NPSR1: variants seen among roughly 807,000 people sequenced by gnomAD.
NPSR1 encodes neuropeptide S receptor.
NPSR1 carries 48 observed loss-of-function variants against 46.9 expected under a neutral mutation model. That is an observed-to-expected ratio of 1.02 (90% confidence interval 0.81 to 1.30). The LOEUF (loss-of-function observed/expected upper bound fraction) is 1.30, where lower values mean the gene tolerates loss of function less well. NPSR1 is among the 50% of genes most tolerant of loss of function. The pLI is 0.00. For synonymous variants in NPSR1, 176 were observed against 168.1 expected, an observed-to-expected ratio of 1.05 and a Z score of -0.36; for missense variants, 450 against 449.5, an observed-to-expected ratio of 1.00 and a Z score of -0.01.
intron 4 of NPSR1, among the ~76,000 whole-genome samples, chr7:34,823,696 G>C (rs1047087333): frequency 8.2e-4 from 124 of 152,064 alleles, no homozygotes; most frequent in Non-Finnish European, 1.9e-4. Context: ...AACAAGAACT[G>C]AGAAAAATAG....
intron 2 of NPSR1, among the ~76,000 whole-genome samples, chr7:34,748,226 G>A (rs1357483675): frequency 6.6e-6 from 1 of 152,214 alleles, no homozygotes; most frequent in Non-Finnish European, 1.5e-5. Flanking sequence ...GTGTTAGCCT[G>A]GTAATGGAGA....
At chr7:34,757,163 AATT>A (rs1226353331) in intron 2 of NPSR1, among the ~76,000 whole-genome samples, 1 of 152,092 alleles carries the variant, frequency 6.6e-6, no homozygotes, top group East Asian at 1.9e-4. Context: ...AAAATTATCT[AATT>A]ATATTATTCT....
intron 3 of NPSR1, among the ~76,000 whole-genome samples, chr7:34,781,152 G>A (rs931862676): frequency 4.6e-5 from 7 of 152,152 alleles, no homozygotes; most frequent in African/African-American, 1.7e-4. Flanking sequence ...AGCAGGAAGT[G>A]AGGGCAAAGA....
chr7:34,835,877 C>A (rs1790342618), intron 6 of NPSR1, among the ~76,000 whole-genome samples: 1 of 152,184 alleles, frequency 6.6e-6, no homozygotes, highest in African/African-American at 2.4e-5. Flanking sequence ...AACCCAGACA[C>A]CATTCCCTGA....
chr7:34,682,983 C>T (rs1311959537), intron 1 of NPSR1, among the ~76,000 whole-genome samples: 3 of 152,132 alleles, frequency 2.0e-5, no homozygotes, highest in Admixed American at 6.5e-5. Context: ...TTGTACAGCC[C>T]TCATCCTCCC....
In NPSR1 at chr7:34,827,648, G is replaced by A. The variant is rs763282880; in HGVS notation, c.680+46G>A. ...GACCACACGGGGGGGTGGGGCGGGG[G>A]GGGCTTTCCTGTTTCTCCAGCTGTT... On this transcript the variant is annotated intron_variant, in intron 5 of 8. Coordinates refer to ENST00000360581, the MANE Select transcript of NPSR1 (RefSeq NM_207172.2). 2.6e-5 allele frequency: 22 copies of A among 848,560 alleles called. 1 individual carries two copies. Among genetic ancestry groups the A allele is most frequent in the Admixed American group, 2.4e-4 (12 of 50,216 alleles). 52.6% of individuals were successfully genotyped at this position (848,560 alleles called of 1,614,324 possible).
At chr7:34,834,148 T>C in intron 5 of NPSR1, 1 of 543,590 alleles carries the variant, frequency 1.8e-6, no homozygotes, top group Non-Finnish European at 3.3e-6. Flanking sequence ...TTGAGGAAAC[T>C]GCATAACTTT....
At position 34,792,945 on chromosome 7, in the gene NPSR1, T is replaced by C. The variant is rs190192117; in HGVS notation, c.384+14380T>C. Among the ~76,000 whole-genome samples, 510 of 150,322 alleles carry C rather than the reference T, an allele frequency of 3.4e-3. 3 individuals are homozygous for C. The highest frequency in any genetic ancestry group is 0.012 in the African/African-American group (495 of 40,930). On this transcript the variant is annotated intron_variant, in intron 3 of 8. Transcript: ENST00000360581. Reference sequence around the variant, plus strand: ...GCTCATGCTTATAATACCAGCACCTTGGGAAGCCAAAGCAGGAGGATTTGA... The same window carrying C: ...GCTCATGCTTATAATACCAGCACCTCGGGAAGCCAAAGCAGGAGGATTTGA...
chr7:34,710,816 G>T (rs749962123), intron 2 of NPSR1: 11 of 515,038 alleles, frequency 2.1e-5, no homozygotes, highest in African/African-American at 2.0e-4. Context: ...TTAAGAAAAA[G>T]CAAAGGAATT....
At chr7:34,765,459 T>A (rs1190878344) in intron 2 of NPSR1, among the ~76,000 whole-genome samples, 2 of 152,188 alleles carry the variant, frequency 1.3e-5, no homozygotes, top group African/African-American at 4.8e-5. Context: ...TGTTCAACAG[T>A]TTATACACTA....
intron 2 of NPSR1, among the ~76,000 whole-genome samples, chr7:34,754,127 C>T (rs1583951872): frequency 6.6e-6 from 1 of 151,902 alleles, no homozygotes; most frequent in Middle Eastern, 3.4e-3. Flanking sequence ...CCCATCTCCT[C>T]TTCTCCCCCT....
At position 34,703,176 on chromosome 7, in the gene NPSR1, G is replaced by A. The variant is rs572432926; in HGVS notation, c.280+18492G>A. ...AGATCGAGACCATCCTGGCTAACAC[G>A]GTGAAACCCCGTCTCTACTAAAAAT... On this transcript the variant is annotated intron_variant, in intron 2 of 8. Transcript: ENST00000360581. Among the ~76,000 whole-genome samples, 12 of 152,200 alleles carry A rather than the reference G, an allele frequency of 7.9e-5. No individual in the cohort carries two copies. The South Asian group carries it at 1.7e-3, about 21-fold the overall frequency.
At chr7:34,870,243 T>C (rs1377908674) in intron 8 of NPSR1, among the ~76,000 whole-genome samples, 1 of 151,786 alleles carries the variant, frequency 6.6e-6, no homozygotes, top group African/African-American at 2.4e-5. Context: ...CCCACTGTAC[T>C]GTAAATTTCT....
chr7:34,686,785 T>C (rs1792949406), intron 2 of NPSR1, among the ~76,000 whole-genome samples: 1 of 152,056 alleles, frequency 6.6e-6, no homozygotes, highest in Admixed American at 6.6e-5. Flanking sequence ...TGACTTTCTT[T>C]GTTTAAAGGA....
At chr7:34,810,004 C>A (rs1436257301) in intron 3 of NPSR1, among the ~76,000 whole-genome samples, 2 of 152,150 alleles carry the variant, frequency 1.3e-5, no homozygotes, top group Non-Finnish European at 2.9e-5. Flanking sequence ...CTAATCATTC[C>A]TCAGAACCTC....
chr7:34,843,203 G>A (rs1790630297), intron 6 of NPSR1, among the ~76,000 whole-genome samples: 1 of 152,112 alleles, frequency 6.6e-6, no homozygotes. Context: ...ACCACAGACT[G>A]GGAAATTTAT....
chr7:34,772,708 C>G (rs1019576071), intron 2 of NPSR1, among the ~76,000 whole-genome samples: 1 of 152,174 alleles, frequency 6.6e-6, no homozygotes, highest in African/African-American at 2.4e-5. Flanking sequence ...ATAATCTGAA[C>G]AACCCTGTGT....
chr7:34,777,014 G>T (rs1056813038), intron 2 of NPSR1, among the ~76,000 whole-genome samples: 1 of 152,052 alleles, frequency 6.6e-6, no homozygotes, highest in Non-Finnish European at 1.5e-5. Context: ...ACCTCTTTTG[G>T]AGCTGTGAGA....
chr7:34,695,480 A>C (rs2128692408), intron 2 of NPSR1, among the ~76,000 whole-genome samples: 1 of 152,160 alleles, frequency 6.6e-6, no homozygotes, highest in Admixed American at 6.5e-5. Context: ...TAAATTAAAA[A>C]GCTTCTGTAC....
Sources: gnomAD v4.1 joint callset for allele counts (sites outside exome capture counted in the v4.1 genomes callset) on GRCh38, gnomAD v4.1.1 for gene constraint, MANE v1.5 for transcripts, NCBI Gene and HGNC (gene_info 2026-07-23, HGNC 2026-07-21) for gene names.